The following FAM78B variants were observed in gnomAD, a reference collection of about 807,000 sequenced individuals.
FAM78B encodes the protein family with sequence similarity 78 member B.
Under a neutral mutation model 20.0 loss-of-function variants are expected in FAM78B, and 10 were observed. That is an observed-to-expected ratio of 0.50 (90% CI 0.31 to 0.85). The LOEUF (loss-of-function observed/expected upper bound fraction) is 0.85, where lower values mean the gene tolerates loss of function less well. Ranked by LOEUF, FAM78B falls within the 40% of genes least tolerant of loss-of-function variation. The pLI is 0.05. For synonymous variants in FAM78B, 135 were observed against 132.8 expected (o/e 1.02, Z -0.12); for missense variants, 283 against 345.0 (o/e 0.82, Z 1.42).
intron 1 of FAM78B, among the ~76,000 whole-genome samples, chr1:166,121,304 G>T (rs145771769): frequency 6.6e-6 from 1 of 152,162 alleles, no homozygotes; most frequent in African/African-American, 2.4e-5. Context: ...AGGTCCTCAG[G>T]ACCAGGCTCT....
chr1:166,166,435 T>G lies in FAM78B; in HGVS notation c.-187A>C. 3 of 312,718 alleles carry G rather than the reference T, an allele frequency of 9.6e-6. No homozygotes were observed. Among genetic ancestry groups the G allele is most frequent in the Non-Finnish European group, 9.3e-6 (2 of 214,578 alleles). 19.4% of individuals were successfully genotyped at this position (312,718 alleles called of 1,614,324 possible). The stretch of plus-strand genomic sequence containing the variant: ...CCCCTCCTCTTGCAGCCGCGCGGGG[T>G]CCCCGCTGCCCCGACGTCCGCCCAC... On this transcript the variant is annotated 5_prime_UTR_variant, in exon 1 of 2. Transcript: ENST00000354422.
At position 166,070,438 on chromosome 1, in the gene FAM78B, T is replaced by C; in HGVS notation, c.589A>G (p.Ile197Val). 6.2e-7 allele frequency: 1 copy of C among 1,614,178 alleles called. No homozygotes were observed. Among genetic ancestry groups the C allele is most frequent in the Non-Finnish European group, 8.5e-7 (1 of 1,180,008 alleles). The change falls in exon 2 of 2, where the codon ATT becomes GTT. Residue 197 changes from isoleucine to valine, a missense_variant. Ile to Val is a conservative substitution (Grantham distance 29, BLOSUM62 3). Transcript: ENST00000354422. ...QTIKWRMRVD[I>V]EVDPLQLLGQ... is the part of the protein sequence containing the mutation. ...AAGAGCTGAAGAGGGTCCACTTCAA[T>C]GTCCACCCTCATCCTCCACTTGATG... is the stretch of plus-strand genomic sequence containing the variant.
chr1:166,104,167 A>C (rs1161741981), intron 1 of FAM78B, among the ~76,000 whole-genome samples: 1 of 152,236 alleles, frequency 6.6e-6, no homozygotes, highest in East Asian at 1.9e-4. Flanking sequence ...TTCATGCTAA[A>C]AACTCTCAAT....
chr1:166,077,708 C>G (rs1652338941), intron 1 of FAM78B, among the ~76,000 whole-genome samples: 1 of 134,984 alleles, frequency 7.4e-6, no homozygotes, highest in Admixed American at 7.9e-5. Flanking sequence ...ATAATAAATA[C>G]ATATAATTAC....
At chr1:166,151,876 C>CCAGTA in intron 1 of FAM78B, among the ~76,000 whole-genome samples, 1 of 152,284 alleles carries the variant, frequency 6.6e-6, no homozygotes, top group South Asian at 2.1e-4. Flanking sequence ...CTTTGACGGC[C>CCAGTA]CAGTAGAAGG....
At chr1:166,086,934 TACATGCAGTGTGGCC>T (rs553063567) in intron 1 of FAM78B, among the ~76,000 whole-genome samples, 155 of 152,328 alleles carry the variant, frequency 1.0e-3, no homozygotes, top group African/African-American at 2.9e-3. Context: ...CCAGTGTGGC[TACATGCAGTGTGGCC>T]ACATGCAGTG....
chr1:166,144,049 A>C (rs751842890), intron 1 of FAM78B, among the ~76,000 whole-genome samples: 10 of 152,222 alleles, frequency 6.6e-5, no homozygotes, highest in Non-Finnish European at 5.9e-5. Context: ...GTAAGTAATG[A>C]TGACGCATCC....
intron 1 of FAM78B, among the ~76,000 whole-genome samples, chr1:166,096,929 G>A (rs115094825): frequency 0.019 from 2,920 of 152,280 alleles, 91 homozygotes; most frequent in African/African-American, 0.067. Flanking sequence ...ACTGTAAGCT[G>A]TAGGTCCAGA....
chr1:166,132,395 T>C (rs1278238586), intron 1 of FAM78B, among the ~76,000 whole-genome samples: 1 of 152,212 alleles, frequency 6.6e-6, no homozygotes, highest in Admixed American at 6.5e-5. Context: ...ATGTAATTTT[T>C]ATTTTGCAGT....
chr1:166,085,864 G>C (rs912402016), intron 1 of FAM78B, among the ~76,000 whole-genome samples: 2 of 152,180 alleles, frequency 1.3e-5, no homozygotes, highest in East Asian at 1.9e-4. Context: ...GTGTTTACTA[G>C]GGCAAGAACA....
chr1:166,136,524 T>G (rs1046798086), intron 1 of FAM78B, among the ~76,000 whole-genome samples: 1 of 152,180 alleles, frequency 6.6e-6, no homozygotes, highest in African/African-American at 2.4e-5. Context: ...CCAGTGTTAT[T>G]ATGAACCAGG....
At chr1:166,133,762 T>A (rs138409705) in intron 1 of FAM78B, among the ~76,000 whole-genome samples, 1 of 152,236 alleles carries the variant, frequency 6.6e-6, no homozygotes, top group Non-Finnish European at 1.5e-5. Flanking sequence ...TCTGCTTCAA[T>A]TGCACTGGCT....
At chr1:166,118,670 G>A (rs1191898738) in intron 1 of FAM78B, among the ~76,000 whole-genome samples, 1 of 152,104 alleles carries the variant, frequency 6.6e-6, no homozygotes, top group African/African-American at 2.4e-5. Context: ...AGCTCACTAA[G>A]CCTAAGATAC....
chr1:166,111,185 T>A (rs893606313), intron 1 of FAM78B, among the ~76,000 whole-genome samples: 11 of 152,306 alleles, frequency 7.2e-5, no homozygotes, highest in Non-Finnish European at 1.2e-4. Context: ...CAAGCAACCA[T>A]GATGTCCAGG....
intron 1 of FAM78B, among the ~76,000 whole-genome samples, chr1:166,142,541 A>G (rs1215545819): frequency 6.6e-6 from 1 of 152,252 alleles, no homozygotes; most frequent in Admixed American, 6.5e-5. Context: ...GAAAAGAGGA[A>G]GACTATTTTT....
At chr1:166,113,582 T>C (rs79283779) in intron 1 of FAM78B, among the ~76,000 whole-genome samples, 2,558 of 152,332 alleles carry the variant, frequency 0.017, 78 homozygotes, top group African/African-American at 0.058. Flanking sequence ...GGGATGTGTA[T>C]GTGGCATCAG....
At chr1:166,108,500 G>C (rs868441648) in intron 1 of FAM78B, among the ~76,000 whole-genome samples, 3 of 152,130 alleles carry the variant, frequency 2.0e-5, no homozygotes, top group Middle Eastern at 3.2e-3. Context: ...ACTGCTGAAA[G>C]AGATCATAGA....
intron 1 of FAM78B, among the ~76,000 whole-genome samples, chr1:166,079,055 T>C (rs751675018): frequency 7.3e-5 from 11 of 151,612 alleles, no homozygotes; most frequent in Non-Finnish European, 1.5e-4. Flanking sequence ...CCTCAGCCTC[T>C]GGAGTAGCTG....
chr1:166,089,399 A>G (rs1652976239), intron 1 of FAM78B, among the ~76,000 whole-genome samples: 2 of 152,190 alleles, frequency 1.3e-5, no homozygotes, highest in South Asian at 4.1e-4. Flanking sequence ...GAATGTCTAC[A>G]TGAAACAGGT....
Sources: gnomAD v4.1 joint callset for allele counts (sites outside exome capture counted in the v4.1 genomes callset) on GRCh38, gnomAD v4.1.1 for gene constraint, MANE v1.5 for transcripts, NCBI Gene and HGNC (gene_info 2026-07-23, HGNC 2026-07-21) for gene names.